RPS6KA2: variants seen among roughly 807,000 people sequenced by gnomAD.
RPS6KA2 encodes the protein ribosomal protein S6 kinase A2, also known as ribosomal protein S6 kinase alpha-2.
In RPS6KA2, 42 loss-of-function variants were observed where a neutral mutation model predicts 91.8. The ratio of observed to expected loss-of-function variants is 0.46; its 90% CI spans 0.36 to 0.59. RPS6KA2 has a LOEUF of 0.59. RPS6KA2 is among the 20% of genes least tolerant of loss of function. The pLI is 0.00. For synonymous variants in RPS6KA2, 414 were observed against 393.6 expected, an observed-to-expected ratio of 1.05 and a Z score of -0.61; for missense variants, 798 against 978.5, an observed-to-expected ratio of 0.82 and a Z score of 2.46.
At chr6:166,822,020 G>GC (rs1779916931) in intron 2 of RPS6KA2, among the ~76,000 whole-genome samples, 1 of 152,064 alleles carries the variant, frequency 6.6e-6, no homozygotes, top group Non-Finnish European at 1.5e-5. Flanking sequence ...CCAGATCCTG[G>GC]CCCTCCACCT....
chr6:166,692,020 A>G (rs1789220544), intron 2 of RPS6KA2, among the ~76,000 whole-genome samples: 2 of 151,982 alleles, frequency 1.3e-5, no homozygotes, highest in South Asian at 4.2e-4. Context: ...CTCCCTCTGG[A>G]GTTAGTTACA....
intron 1 of RPS6KA2, among the ~76,000 whole-genome samples, chr6:166,555,530 C>G (rs1488279613): frequency 6.6e-6 from 1 of 152,112 alleles, no homozygotes; most frequent in Non-Finnish European, 1.5e-5. Flanking sequence ...TGCAGCCACT[C>G]CAAAAGCCAC....
chr6:166,679,651 T>C (rs935199878), intron 2 of RPS6KA2, among the ~76,000 whole-genome samples: 3 of 152,162 alleles, frequency 2.0e-5, no homozygotes, highest in Admixed American at 2.0e-4. Context: ...CGCTCCTCGA[T>C]CTGGCCGCGC....
At chr6:166,644,893 A>C (rs1787558497) in intron 2 of RPS6KA2, among the ~76,000 whole-genome samples, 1 of 152,346 alleles carries the variant, frequency 6.6e-6, no homozygotes, top group East Asian at 1.9e-4. Context: ...ACACAGAGGA[A>C]TGCCTGGTGA....
At chr6:166,647,924 A>ACACG (rs1159130863) in intron 2 of RPS6KA2, among the ~76,000 whole-genome samples, 9 of 150,450 alleles carry the variant, frequency 6.0e-5, no homozygotes, top group African/African-American at 2.2e-4. Flanking sequence ...ACATGCTCAC[A>ACACG]CACACGCACA....
intron 2 of RPS6KA2, among the ~76,000 whole-genome samples, chr6:166,778,358 T>C (rs1403867916): frequency 1.3e-5 from 2 of 152,254 alleles, no homozygotes. Flanking sequence ...GGCCAGAATG[T>C]GAAAAAACCA....
At chr6:166,744,412 G>A (rs1790917934) in intron 2 of RPS6KA2, among the ~76,000 whole-genome samples, 1 of 152,134 alleles carries the variant, frequency 6.6e-6, no homozygotes, top group Non-Finnish European at 1.5e-5. Flanking sequence ...GGGAATGGGA[G>A]CGTTGCTGCC....
At chr6:166,783,708 G>A (rs576471927) in intron 2 of RPS6KA2, among the ~76,000 whole-genome samples, 2 of 151,302 alleles carry the variant, frequency 1.3e-5, no homozygotes, top group South Asian at 4.2e-4. Context: ...ATATATATGT[G>A]AACACTTATT....
intron 2 of RPS6KA2, among the ~76,000 whole-genome samples, chr6:166,745,220 C>T (rs371654647): frequency 6.1e-4 from 90 of 148,294 alleles, no homozygotes; most frequent in East Asian, 2.4e-3. Context: ...GGCGCCATCT[C>T]GGCTCACTGC....
intron 2 of RPS6KA2, among the ~76,000 whole-genome samples, chr6:166,745,949 C>G (rs1252600156): frequency 6.6e-6 from 1 of 152,134 alleles, no homozygotes; most frequent in East Asian, 1.9e-4. Flanking sequence ...CTGTGGTTGC[C>G]CAGTGAGGAC....
At chr6:166,472,670 G>GCTC (rs1251389118) in intron 10 of RPS6KA2, among the ~76,000 whole-genome samples, 2 of 152,136 alleles carry the variant, frequency 1.3e-5, no homozygotes, top group Non-Finnish European at 2.9e-5. Flanking sequence ...TTTGCACTCG[G>GCTC]CTCCCCCTTT....
chr6:166,418,217 G>A lies in RPS6KA2; in HGVS notation c.1938+8C>T, dbSNP rs1778604237. 1.3e-6 allele frequency: 2 copies of A among 1,549,030 alleles called. No individual in the cohort carries two copies. The highest frequency in any genetic ancestry group is 1.1e-5 in the South Asian group (1 of 89,014). On this transcript the variant is annotated splice_region_variant and intron_variant, in intron 19 of 20. Coordinates refer to ENST00000265678, the MANE Select transcript of RPS6KA2 (RefSeq NM_021135.6). The surrounding 1 kb of genome is among the most constrained non-coding windows in gnomAD (Gnocchi z 4.9). The stretch of plus-strand genomic sequence containing the variant: ...ATATTTAAAAGCAACGCTGGGACAT[G>A]TACTCACTTTAGCTGCGTCAGATAT...
chr6:166,646,976 A>T (rs1787625607), intron 2 of RPS6KA2, among the ~76,000 whole-genome samples: 1 of 152,046 alleles, frequency 6.6e-6, no homozygotes, highest in Non-Finnish European at 1.5e-5. Context: ...CTCCAGGCTG[A>T]CGCCCAGCCC....
chr6:166,683,489 G>A (rs1788901344), intron 2 of RPS6KA2, among the ~76,000 whole-genome samples: 1 of 152,170 alleles, frequency 6.6e-6, no homozygotes, highest in African/African-American at 2.4e-5. Context: ...TTTAAATTAT[G>A]ATTTTAAATT....
chr6:166,453,197 TCA>T (rs149702729), intron 12 of RPS6KA2, among the ~76,000 whole-genome samples: 15,532 of 140,926 alleles, frequency 0.11, 2,255 homozygotes, highest in African/African-American at 0.35. Flanking sequence ...TGAGACTCCA[TCA>T]CACACACACA....
intron 4 of RPS6KA2, 100 bp downstream of exon 4, chr6:166,510,177 G>C (rs755899293): frequency 8.1e-5 from 60 of 744,106 alleles, no homozygotes; most frequent in South Asian, 2.9e-4. Flanking sequence ...GTATAGGAAA[G>C]ATTTTCTTCT....
At chr6:166,768,291 GA>G (rs1778374859) in intron 2 of RPS6KA2, among the ~76,000 whole-genome samples, 1 of 152,202 alleles carries the variant, frequency 6.6e-6, no homozygotes, top group African/African-American at 2.4e-5. Flanking sequence ...TTCTAAAAGT[GA>G]TTTTTTTATA....
In RPS6KA2 at chr6:166,488,175, A is replaced by G. The variant is rs143554610; in HGVS notation, c.907+658T>C. On this transcript the variant is annotated intron_variant, in intron 10 of 20. Transcript: ENST00000265678. ...CTGCTCCAGTTGCTGTCTAAACCGT[A>G]AACACCCTGCTCTAGTTGCTGTCTA... 1.1e-4 allele frequency among the ~76,000 whole-genome samples: 16 copies of G among 152,180 alleles called. 1 individual carries two copies. In the East Asian group the frequency reaches 2.5e-3, roughly 24 times the overall value.
At chr6:166,578,485 CA>C (rs1462011724) in intron 1 of RPS6KA2, among the ~76,000 whole-genome samples, 1 of 152,188 alleles carries the variant, frequency 6.6e-6, no homozygotes, top group Non-Finnish European at 1.5e-5. Flanking sequence ...TTCACTTTTG[CA>C]AAGCAGAGAT....
Sources: gnomAD v4.1 joint callset for allele counts (sites outside exome capture counted in the v4.1 genomes callset) on GRCh38, gnomAD v4.1.1 for gene constraint, Gnocchi (gnomAD v3.1) non-coding constraint, MANE v1.5 for transcripts, NCBI Gene and HGNC (gene_info 2026-07-23, HGNC 2026-07-21) for gene names.